Variants in AOX1 observed in about 807,000 individuals in gnomAD.
AOX1 encodes the protein aldehyde oxidase 1.
A neutral mutation model predicts 169.5 loss-of-function variants in AOX1; 153 were observed. The ratio of observed to expected loss-of-function variants is 0.90; its 90% CI spans 0.79 to 1.03. The LOEUF (loss-of-function observed/expected upper bound fraction) is 1.03. Ranked by LOEUF, AOX1 falls within the 50% of genes least tolerant of loss-of-function variation. The probability of loss-of-function intolerance (pLI) is 0.00; values close to 1 mark genes in which losing one functional copy is unlikely to be tolerated. For missense variants in AOX1, 1,656 were observed against 1,663.9 expected, an observed-to-expected ratio of 1.00 and a Z score of 0.08; for synonymous variants, 562 against 581.9, an observed-to-expected ratio of 0.97 and a Z score of 0.49.
chr2:200,637,753 A>G (rs1407415760), intron 22 of AOX1, among the ~76,000 whole-genome samples: 1 of 152,172 alleles, frequency 6.6e-6, no homozygotes, highest in Non-Finnish European at 1.5e-5. Flanking sequence ...TCTCTGGAGC[A>G]GGCACACCTA....
chr2:200,659,391 A>C (rs58972760), intron 28 of AOX1, 98 bp downstream of exon 28: 1 of 1,350,136 alleles, frequency 7.4e-7, no homozygotes, highest in Admixed American at 2.1e-5. Flanking sequence ...AATCCAACTC[A>C]TATCTCCTTC....
At position 200,596,214 on chromosome 2, in the gene AOX1, C is replaced by T. The variant is rs909328703; in HGVS notation, c.200+846C>T. Among the ~76,000 whole-genome samples, 3 of 152,226 alleles carry T rather than the reference C, an allele frequency of 2.0e-5. No individual in the cohort carries two copies. The South Asian group carries it at 6.2e-4, about 31-fold the overall frequency. On this transcript the variant is annotated intron_variant, in intron 3 of 34. Coordinates refer to ENST00000374700, the MANE Select transcript of AOX1 (RefSeq NM_001159.4). Reference sequence around the variant, plus strand: ...CCTGTGTTCCACACCAAACTACCTGCTGTCTGAACTCTGAGAGGTTCCTCC... The same window carrying T: ...CCTGTGTTCCACACCAAACTACCTGTTGTCTGAACTCTGAGAGGTTCCTCC...
At position 200,660,075 on chromosome 2, in the gene AOX1, A is replaced by G; in HGVS notation, c.3375+6A>G. 1 of 1,610,520 alleles carries G rather than the reference A, an allele frequency of 6.2e-7. No individual in the cohort carries two copies. Among genetic ancestry groups the G allele is most frequent in the Non-Finnish European group, 8.5e-7 (1 of 1,176,806 alleles). On this transcript the variant is annotated splice_donor_region_variant and intron_variant, in intron 29 of 34. Coordinates refer to ENST00000374700, the MANE Select transcript of AOX1 (RefSeq NM_001159.4). ...AAGGAACTTGGAAAGACTGGGTGAG[A>G]ATCAATGGTTCTCTGTATTTTATTT...
In AOX1 at chr2:200,604,085, T is replaced by A; in HGVS notation, c.657T>A (p.Pro219=). ...PLDPTQELIF[P]PELMIMAEKQ... is the part of the protein sequence containing the mutation. ...ATCCAACCCAGGAACTGATATTTCC[T>A]CCTGAGCTAATGGTGAGTAAAGCAA... The change falls in exon 8 of 35, where the codon CCT becomes CCA. Residue 219 remains proline, a synonymous_variant. Transcript: ENST00000374700. 1.2e-6 allele frequency: 2 copies of A among 1,610,648 alleles called. No individual in the cohort carries two copies. Among genetic ancestry groups the A allele is most frequent in the Non-Finnish European group, 1.7e-6 (2 of 1,176,856 alleles).
At chr2:200,662,353 C>A (rs567474326) in intron 30 of AOX1, among the ~76,000 whole-genome samples, 1 of 152,126 alleles carries the variant, frequency 6.6e-6, no homozygotes, top group Non-Finnish European at 1.5e-5. Flanking sequence ...ATTTGATGTT[C>A]TTAAAGATTA....
In AOX1 at chr2:200,670,709, G is replaced by T; in HGVS notation, c.*30G>T. 6.3e-7 allele frequency: 1 copy of T among 1,586,856 alleles called. No homozygotes were observed. Among genetic ancestry groups the T allele is most frequent in the Non-Finnish European group, 8.6e-7 (1 of 1,156,908 alleles). ...AATGCAAACTTCTGGAGAAAACAGA[G>T]TGCCTCTTCCCAGATGGCAATCTGT... On this transcript the variant is annotated 3_prime_UTR_variant, in exon 35 of 35. Transcript: ENST00000374700.
intron 32 of AOX1, among the ~76,000 whole-genome samples, chr2:200,668,223 A>G (rs2035958723): frequency 6.6e-6 from 1 of 151,704 alleles, no homozygotes; most frequent in Non-Finnish European, 1.5e-5. Flanking sequence ...CTCCTGCCTC[A>G]GCCTCCCGAG....
intron 25 of AOX1, among the ~76,000 whole-genome samples, chr2:200,643,820 C>T (rs1426426393): frequency 6.6e-6 from 1 of 152,152 alleles, no homozygotes; most frequent in Non-Finnish European, 1.5e-5. Flanking sequence ...TGATGTTGAA[C>T]ATTTTTTCAT....
intron 28 of AOX1, 61 bp from the exon 29 acceptor site, chr2:200,659,934 T>C (rs1389507229): frequency 3.0e-6 from 4 of 1,320,682 alleles, no homozygotes; most frequent in Non-Finnish European, 4.3e-6. Context: ...TATTATGTTG[T>C]TTTGAATTTG....
rs1232564219 is a variant in AOX1, at chr2:200,661,752, A to G, written c.3428+121A>G. The G allele has an allele frequency of 8.1e-6, 6 of 737,692 alleles. No individual in the cohort carries two copies. The African/African-American group carries it at 9.0e-5, about 11-fold the overall frequency. 45.7% of individuals were successfully genotyped at this position (737,692 alleles called of 1,614,324 possible). On this transcript the variant is annotated intron_variant, in intron 30 of 34. Coordinates refer to ENST00000374700, the MANE Select transcript of AOX1 (RefSeq NM_001159.4). ...CTACCTTCTATTTACCCATGGTTATAAAGAACATTTAACTGCTAGTTAATC... is the reference window on the plus strand; with the variant it reads ...CTACCTTCTATTTACCCATGGTTATGAAGAACATTTAACTGCTAGTTAATC...
At chr2:200,639,256 G>A (rs1438420354) in intron 23 of AOX1, among the ~76,000 whole-genome samples, 1 of 152,154 alleles carries the variant, frequency 6.6e-6, no homozygotes, top group Non-Finnish European at 1.5e-5. Context: ...TTTGCTGAGG[G>A]CAGCAGACAG....
intron 19 of AOX1, among the ~76,000 whole-genome samples, chr2:200,626,384 A>G (rs2035007033): frequency 6.6e-6 from 1 of 152,354 alleles, no homozygotes; most frequent in Non-Finnish European, 1.5e-5. Flanking sequence ...CAGAGATAAG[A>G]GAATCCCCAA....
At position 200,638,360 on chromosome 2, in the gene AOX1, T is replaced by C. The variant is rs537844996; in HGVS notation, c.2568+58T>C. ...TGTTGTAGATACAACATCCTATCAG[T>C]GCGCAGGGCAGTCTTTGGCTACTCT... On this transcript the variant is annotated intron_variant, in intron 23 of 34. Coordinates refer to ENST00000374700, the MANE Select transcript of AOX1 (RefSeq NM_001159.4). The C allele has an allele frequency of 1.1e-4, 157 of 1,480,998 alleles. 1 individual carries two copies. The South Asian group carries it at 1.7e-3, about 16-fold the overall frequency. The allele number at this position is 1,480,998 out of a possible 1,614,324, so 91.7% of individuals were successfully genotyped here. A position where few individuals can be genotyped will look rare whatever the true frequency, so the allele number is the denominator to read the frequency against.
rs747697694 is a variant in AOX1 at position 200,608,950 on chromosome 2, C to A, written c.908-34C>A. The A allele has an allele frequency of 2.5e-6, 4 of 1,599,812 alleles. No individual in the cohort carries two copies. In the Admixed American group the frequency reaches 5.1e-5, roughly 20 times the overall value. ...TGGACATTTTCAGATCAGCAGTGAT[C>A]GCACTGTGTTATTTACAAATGACTT... On this transcript the variant is annotated intron_variant, in intron 10 of 34. Coordinates refer to ENST00000374700, the MANE Select transcript of AOX1 (RefSeq NM_001159.4).
chr2:200,592,179 A>C (rs1407902310), intron 1 of AOX1, among the ~76,000 whole-genome samples: 1 of 152,226 alleles, frequency 6.6e-6, no homozygotes, highest in Non-Finnish European at 1.5e-5. Context: ...ACAAACAGAC[A>C]CACATGCACC....
chr2:200,677,473 C>T (rs904507363), downstream of AOX1, among the ~76,000 whole-genome samples: 4 of 152,136 alleles, frequency 2.6e-5, no homozygotes, highest in Admixed American at 2.6e-4. Flanking sequence ...AGCTCTTGTC[C>T]CACCACCACC....
intron 5 of AOX1, among the ~76,000 whole-genome samples, chr2:200,601,411 GTA>G (rs1350147612): frequency 6.6e-6 from 1 of 152,156 alleles, no homozygotes; most frequent in Admixed American, 6.5e-5. Context: ...AGTTAACACT[GTA>G]TTGTATACTC....
chr2:200,647,779 A>G (rs2035488952), intron 25 of AOX1, among the ~76,000 whole-genome samples: 1 of 151,862 alleles, frequency 6.6e-6, no homozygotes, highest in African/African-American at 2.4e-5. Flanking sequence ...TTTTGTTCCT[A>G]TTTTCTATTC....
At chr2:200,616,683 G>T (rs1316634178) in intron 16 of AOX1, among the ~76,000 whole-genome samples, 5 of 152,196 alleles carry the variant, frequency 3.3e-5, no homozygotes, top group Non-Finnish European at 5.9e-5. Context: ...GGAATTTTCT[G>T]CCACATCATA....
Sources: allele counts gnomAD v4.1 joint callset (sites outside exome capture counted in the v4.1 genomes callset), GRCh38; gene constraint gnomAD v4.1.1; transcripts MANE v1.5; gene names NCBI Gene and HGNC (gene_info 2026-07-23, HGNC 2026-07-21).